Variants in TMEM163 observed in about 807,000 individuals in gnomAD.
TMEM163 encodes transmembrane protein 163.
In TMEM163, 17 loss-of-function variants were observed where a neutral mutation model predicts 29.3. That is an observed-to-expected ratio of 0.58 (90% CI 0.40 to 0.87). The LOEUF (loss-of-function observed/expected upper bound fraction) is 0.87, where lower values mean the gene tolerates loss of function less well. TMEM163 is among the 40% of genes least tolerant of loss of function. The probability of loss-of-function intolerance (pLI) is 0.00; values close to 1 mark genes in which losing one functional copy is unlikely to be tolerated. For synonymous variants in TMEM163, 157 were observed against 160.6 expected, an observed-to-expected ratio of 0.98 and a Z score of 0.17; for missense variants, 303 against 381.5, an observed-to-expected ratio of 0.79 and a Z score of 1.71.
chr2:134,691,016 T>G (rs1030970935), intron 2 of TMEM163, among the ~76,000 whole-genome samples: 10 of 152,008 alleles, frequency 6.6e-5, no homozygotes, highest in Admixed American at 2.0e-4. Context: ...GGTCCCACAC[T>G]CCAGGCGCTC....
intron 1 of TMEM163, among the ~76,000 whole-genome samples, chr2:134,718,001 G>A (rs1338954474): frequency 2.0e-5 from 3 of 152,192 alleles, no homozygotes; most frequent in Non-Finnish European, 4.4e-5. Context: ...CCAGGCCAGT[G>A]TCAGTGGAGG....
chr2:134,542,535 G>T (rs1046340464), intron 4 of TMEM163, among the ~76,000 whole-genome samples: 1 of 152,126 alleles, frequency 6.6e-6, no homozygotes, highest in Non-Finnish European at 1.5e-5. Context: ...TCGCATTACC[G>T]CCTGGGCTCC....
chr2:134,479,337 T>C (rs1294422358), intron 5 of TMEM163, among the ~76,000 whole-genome samples: 1 of 152,204 alleles, frequency 6.6e-6, no homozygotes, highest in African/African-American at 2.4e-5. Context: ...GAGTGGAATG[T>C]CTTTTCCAAG....
chr2:134,644,678 T>C (rs1453901270), intron 2 of TMEM163, among the ~76,000 whole-genome samples: 1 of 152,048 alleles, frequency 6.6e-6, no homozygotes, highest in African/African-American at 2.4e-5. Context: ...AGAAAAAACA[T>C]AGGAGAAATC....
rs180926681 is a variant in TMEM163, at chr2:134,624,171, G to T, written c.323-72080C>A. Among the ~76,000 whole-genome samples, 30 of 152,326 alleles carry T rather than the reference G, an allele frequency of 2.0e-4. No individual in the cohort carries two copies. In the East Asian group the frequency reaches 5.8e-3, roughly 29 times the overall value. ...AATCTGGGCCAGCACATAAAGGCAG[G>T]TCTAGAAATAAATATCTGTGTTCTG... On this transcript the variant is annotated intron_variant, in intron 2 of 7. Transcript: ENST00000281924.
At chr2:134,618,243 A>G (rs1682654657) in intron 2 of TMEM163, among the ~76,000 whole-genome samples, 1 of 152,202 alleles carries the variant, frequency 6.6e-6, no homozygotes, top group African/African-American at 2.4e-5. Context: ...AGCAGTAACC[A>G]TAAGAGACCT....
At chr2:134,554,727 ATT>A (rs1486991237) in intron 2 of TMEM163, among the ~76,000 whole-genome samples, 3 of 152,208 alleles carry the variant, frequency 2.0e-5, no homozygotes, top group African/African-American at 7.2e-5. Flanking sequence ...CCCCGACTCA[ATT>A]GGAGTGTTGT....
At chr2:134,670,035 G>A (rs929158257) in intron 2 of TMEM163, among the ~76,000 whole-genome samples, 2 of 152,072 alleles carry the variant, frequency 1.3e-5, no homozygotes, top group Non-Finnish European at 2.9e-5. Context: ...CTGCCCCACC[G>A]AAACCATAAG....
At chr2:134,600,372 A>T (rs950820682) in intron 2 of TMEM163, among the ~76,000 whole-genome samples, 1 of 152,166 alleles carries the variant, frequency 6.6e-6, no homozygotes, top group Non-Finnish European at 1.5e-5. Flanking sequence ...AAAGGAAGGG[A>T]AGGGAATCTA....
At chr2:134,659,275 T>C (rs534061252) in intron 2 of TMEM163, among the ~76,000 whole-genome samples, 1 of 152,356 alleles carries the variant, frequency 6.6e-6, no homozygotes, top group South Asian at 2.1e-4. Context: ...AGGACCACTG[T>C]CATGTATGCA....
chr2:134,653,995 G>A (rs1225113400), intron 2 of TMEM163, among the ~76,000 whole-genome samples: 5 of 85,602 alleles, frequency 5.8e-5, no homozygotes, highest in East Asian at 4.4e-4. Flanking sequence ...AATAGGTGTG[G>A]TGTGGTGCTG....
chr2:134,502,822 C>T, intron 5 of TMEM163, 79 bp downstream of exon 5: 1 of 1,300,690 alleles, frequency 7.7e-7, no homozygotes, highest in East Asian at 2.4e-5. Flanking sequence ...CCGACTCCAC[C>T]CGGGAACCCT....
intron 2 of TMEM163, among the ~76,000 whole-genome samples, chr2:134,640,101 C>T (rs181319059): frequency 6.6e-6 from 1 of 152,030 alleles, no homozygotes; most frequent in African/African-American, 2.4e-5. Context: ...GCAATCAGTA[C>T]TTGGGAAAAG....
chr2:134,494,259 A>G (rs1679496278), intron 5 of TMEM163, among the ~76,000 whole-genome samples: 2 of 152,194 alleles, frequency 1.3e-5, no homozygotes, highest in African/African-American at 4.8e-5. Context: ...TAACAACAGT[A>G]AGATGGCACT....
chr2:134,538,670 A>G (rs1169229837), intron 4 of TMEM163, among the ~76,000 whole-genome samples: 1 of 152,228 alleles, frequency 6.6e-6, no homozygotes, highest in Non-Finnish European at 1.5e-5. Flanking sequence ...GTGAGGGTGA[A>G]GCTGACGACA....
At chr2:134,581,634 C>CGG (rs11403384) in intron 2 of TMEM163, among the ~76,000 whole-genome samples, 125 of 151,746 alleles carry the variant, frequency 8.2e-4, no homozygotes, top group Admixed American at 3.3e-3. Flanking sequence ...TTTATGGGGG[C>CGG]GGGGGGGAGA....
chr2:134,640,707 A>G (rs1683204733), intron 2 of TMEM163, among the ~76,000 whole-genome samples: 1 of 152,184 alleles, frequency 6.6e-6, no homozygotes, highest in Admixed American at 6.5e-5. Flanking sequence ...CAGAAGAGAA[A>G]GCACAGCCCA....
In TMEM163 at chr2:134,461,680, A is replaced by C. The variant is rs540031504; in HGVS notation, c.668-3507T>G. On this transcript the variant is annotated intron_variant, in intron 6 of 7. Coordinates refer to ENST00000281924, the MANE Select transcript of TMEM163 (RefSeq NM_030923.5). Reference sequence around the variant, plus strand: ...AGTCTGGAATTTCCCCATCATCTCCATCGGCCACACCCTGCTGTCCCTTTC... The same window carrying C: ...AGTCTGGAATTTCCCCATCATCTCCCTCGGCCACACCCTGCTGTCCCTTTC... 2.8e-4 allele frequency among the ~76,000 whole-genome samples: 42 copies of C among 152,290 alleles called. No individual in the cohort carries two copies. In the East Asian group the frequency reaches 7.7e-3, roughly 28 times the overall value.
chr2:134,704,593 A>G (rs532400372), intron 2 of TMEM163, among the ~76,000 whole-genome samples: 1 of 151,732 alleles, frequency 6.6e-6, no homozygotes, highest in African/African-American at 2.4e-5. Context: ...CTGCCAATAA[A>G]CCTCCTGGAG....
Sources: allele counts gnomAD v4.1 joint callset (sites outside exome capture counted in the v4.1 genomes callset), GRCh38; gene constraint gnomAD v4.1.1; transcripts MANE v1.5; gene names NCBI Gene and HGNC (gene_info 2026-07-23, HGNC 2026-07-21).